APP: variants seen among roughly 807,000 people sequenced by gnomAD.
APP encodes the protein amyloid-beta precursor protein.
Under a neutral mutation model 101.4 loss-of-function variants are expected in APP, and 31 were observed. That is an observed-to-expected ratio of 0.31 (90% CI 0.23 to 0.41). APP has a LOEUF of 0.41. APP is among the 10% of genes least tolerant of loss of function. The pLI is 1.00. For missense variants in APP, 839 were observed against 1,003.7 expected, an observed-to-expected ratio of 0.84 and a Z score of 2.22; for synonymous variants, 366 against 364.4, an observed-to-expected ratio of 1.00 and a Z score of -0.05.
chr21:25,961,864 G>A lies in APP; in HGVS notation c.1459-6109C>T, dbSNP rs111854578. Among the ~76,000 whole-genome samples the A allele has an allele frequency of 3.6e-3, 551 of 152,016 alleles. 5 individuals are homozygous for A. The highest frequency in any genetic ancestry group is 0.013 in the African/African-American group (527 of 41,454). The stretch of plus-strand genomic sequence containing the variant: ...GATCAGAAAAACAAAAGAATTCAGT[G>A]GCTCACGAAAAGGATATTGATAAAG... On this transcript the variant is annotated intron_variant, in intron 11 of 17. Coordinates refer to ENST00000346798, the MANE Select transcript of APP (RefSeq NM_000484.4).
At chr21:26,125,813 T>G (rs2062671340) in intron 1 of APP, among the ~76,000 whole-genome samples, 1 of 152,226 alleles carries the variant, frequency 6.6e-6, no homozygotes, top group Non-Finnish European at 1.5e-5. Context: ...TTTCATTGCC[T>G]TGAGTGATGG....
chr21:25,967,949 G>A (rs1368018866), intron 11 of APP, among the ~76,000 whole-genome samples: 3 of 152,054 alleles, frequency 2.0e-5, no homozygotes, highest in African/African-American at 2.4e-5. Flanking sequence ...TCTTCCAGGG[G>A]GAAAAAGTGC....
At chr21:26,052,284 A>G (rs1276236201) in intron 4 of APP, among the ~76,000 whole-genome samples, 2 of 152,144 alleles carry the variant, frequency 1.3e-5, no homozygotes, top group African/African-American at 4.8e-5. Flanking sequence ...TGTTTAGCAG[A>G]ATCTCTGGCC....
intron 13 of APP, among the ~76,000 whole-genome samples, chr21:25,918,831 C>A (rs1265047270): frequency 8.7e-5 from 13 of 149,790 alleles, no homozygotes; most frequent in Middle Eastern, 3.4e-3. Context: ...CCCAGGCTTG[C>A]TTAGGTAAAC....
At position 25,881,216 on chromosome 21, in the gene APP, T is replaced by C. The variant is rs200492624; in HGVS notation, c.*454A>G. The stretch of plus-strand genomic sequence containing the variant: ...TGTTTAACTTTAAAATGCATAGTGA[T>C]CAGGAAAGGAATACTTAGGCAAGAG... On this transcript the variant is annotated 3_prime_UTR_variant, in exon 18 of 18. Coordinates refer to ENST00000346798, the MANE Select transcript of APP (RefSeq NM_000484.4). 27 of 216,218 alleles carry C rather than the reference T, an allele frequency of 1.2e-4. No homozygotes were observed. The highest frequency in any genetic ancestry group is 2.2e-4 in the Non-Finnish European group (23 of 106,430). The allele number at this position is 216,218 out of a possible 1,614,324, so 13.4% of individuals were successfully genotyped here. A position where few individuals can be genotyped will look rare whatever the true frequency, so the allele number is the denominator to read the frequency against.
At chr21:25,999,216 C>T (rs531667487) in intron 7 of APP, among the ~76,000 whole-genome samples, 6 of 151,994 alleles carry the variant, frequency 3.9e-5, no homozygotes, top group Non-Finnish European at 8.8e-5. Flanking sequence ...CACTTGAACC[C>T]GGGAGGCGGA....
At chr21:26,000,295 AT>A in intron 6 of APP, 113 bp from the exon 7 acceptor site, 2 of 1,310,904 alleles carry the variant, frequency 1.5e-6, no homozygotes, top group Non-Finnish European at 2.1e-6. Context: ...GGACTGGTTT[AT>A]TAGGCAGCAT....
intron 5 of APP, among the ~76,000 whole-genome samples, chr21:26,035,763 G>A (rs114549631): frequency 0.021 from 3,232 of 152,276 alleles, 105 homozygotes; most frequent in African/African-American, 0.074. Flanking sequence ...CAGGGAGAGA[G>A]AACGAGAGCA....
intron 2 of APP, among the ~76,000 whole-genome samples, chr21:26,093,859 T>C (rs2146127318): frequency 6.6e-6 from 1 of 152,254 alleles, no homozygotes; most frequent in Non-Finnish European, 1.5e-5. Flanking sequence ...CACACACCTG[T>C]AATCCCAGCA....
rs773595106 is a variant in APP at position 25,975,089 on chromosome 21, A to G, written c.1439T>C (p.Leu480Pro). 1 of 1,614,112 alleles carries G rather than the reference A, an allele frequency of 6.2e-7. No homozygotes were observed. The highest frequency in any genetic ancestry group is 1.7e-4 in the Middle Eastern group (1 of 6,056). The stretch of plus-strand genomic sequence containing the variant: ...ACCTACCCGAGGAGGAACAGCCTGC[A>G]GAGCGGTGATGTAGTTCTCCAGGGC... Reference protein sequence around the residue: ...RLALENYITALQAVPPRPRHV... With the variant: ...RLALENYITAPQAVPPRPRHV... The change falls in exon 11 of 18, where the codon CTG (leucine) becomes CCG (proline). Residue 480 changes from leucine to proline, a missense_variant. Coordinates refer to ENST00000346798, the MANE Select transcript of APP (RefSeq NM_000484.4).
chr21:26,077,062 CAAAAAA>C (rs35080722), intron 3 of APP, among the ~76,000 whole-genome samples: 1 of 110,138 alleles, frequency 9.1e-6, no homozygotes. Flanking sequence ...GACTCTGTCT[CAAAAAA>C]AAAAAAAAAA....
At chr21:26,157,700 ATAGG>A (rs529093062) in intron 1 of APP, among the ~76,000 whole-genome samples, 26 of 152,342 alleles carry the variant, frequency 1.7e-4, no homozygotes, top group African/African-American at 5.8e-4. Context: ...GAACAAGAAA[ATAGG>A]TAAGGAATTA....
intron 3 of APP, among the ~76,000 whole-genome samples, chr21:26,085,787 T>C (rs568990549): frequency 1.3e-5 from 2 of 152,358 alleles, no homozygotes; most frequent in Admixed American, 1.3e-4. Context: ...AAACAAGGCA[T>C]GCTTTTCCTA....
intron 1 of APP, among the ~76,000 whole-genome samples, chr21:26,121,007 C>G (rs140082750): frequency 6.6e-6 from 1 of 152,050 alleles, no homozygotes; most frequent in Non-Finnish European, 1.5e-5. Flanking sequence ...CAGCCCTCTC[C>G]GGGAGGTAGG....
chr21:26,101,525 C>T (rs549599165), intron 2 of APP, among the ~76,000 whole-genome samples: 7 of 152,272 alleles, frequency 4.6e-5, no homozygotes, highest in African/African-American at 1.7e-4. Flanking sequence ...TGGTTTAAGA[C>T]TGTGAGGATA....
chr21:26,149,408 G>GTACC (rs1328594051), intron 1 of APP, among the ~76,000 whole-genome samples: 1 of 152,220 alleles, frequency 6.6e-6, no homozygotes, highest in Non-Finnish European at 1.5e-5. Flanking sequence ...GCTACATACA[G>GTACC]TACCTGGTAA....
At chr21:25,928,722 A>T (rs2040008234) in intron 13 of APP, 1 of 151,384 alleles carries the variant, frequency 6.6e-6, no homozygotes, top group South Asian at 2.1e-4. Context: ...ACAAACAAAA[A>T]TAAAAATAGA....
At chr21:25,941,511 C>T (rs9982540) in intron 13 of APP, 17,700 of 152,324 alleles carry the variant, frequency 0.12, 1,993 homozygotes, top group African/African-American at 0.29. Flanking sequence ...GAGTCTCGCT[C>T]TGTCGCCCAG....
At chr21:26,086,319 G>A (rs911858345) in intron 3 of APP, among the ~76,000 whole-genome samples, 6 of 152,094 alleles carry the variant, frequency 3.9e-5, no homozygotes, top group Non-Finnish European at 7.4e-5. Flanking sequence ...TCCACTCCAT[G>A]GGAAGAAAGT....
Sources: allele counts gnomAD v4.1 joint callset (sites outside exome capture counted in the v4.1 genomes callset), GRCh38; gene constraint gnomAD v4.1.1; transcripts MANE v1.5; gene names NCBI Gene and HGNC (gene_info 2026-07-23, HGNC 2026-07-21).